Variants in SMAD9 observed in about 807,000 individuals in gnomAD.
SMAD9 encodes MAD homolog 9.
SMAD9 carries 36 observed loss-of-function variants against 46.1 expected under a neutral mutation model. The observed-to-expected ratio is 0.78, with a 90% CI of 0.60 to 1.03. The LOEUF is 1.03. Among genes scored for constraint, SMAD9 ranks in the 50% least tolerant of loss-of-function variants. The pLI is 0.00. For missense variants in SMAD9, 572 were observed against 599.8 expected, an observed-to-expected ratio of 0.95 and a Z score of 0.48; for synonymous variants, 245 against 237.1, an observed-to-expected ratio of 1.03 and a Z score of -0.31.
chr13:36,901,044 A>T (rs1160929040), intron 1 of SMAD9, among the ~76,000 whole-genome samples: 1 of 152,186 alleles, frequency 6.6e-6, no homozygotes, highest in Non-Finnish European at 1.5e-5. Flanking sequence ...GTGATGAATC[A>T]TATATGTGTG....
intron 4 of SMAD9, 75 bp downstream of exon 4, chr13:36,867,198 T>C (rs1388021126): frequency 6.0e-6 from 6 of 1,001,896 alleles, no homozygotes; most frequent in African/African-American, 3.2e-5. Flanking sequence ...TTTTCTTTTT[T>C]GAGTTGCTTT....
chr13:36,850,728 GT>G (rs2058067732), intron 6 of SMAD9, among the ~76,000 whole-genome samples: 1 of 152,160 alleles, frequency 6.6e-6, no homozygotes, highest in Non-Finnish European at 1.5e-5. Flanking sequence ...CACTTAGGGA[GT>G]TAAATACGGT....
chr13:36,878,723 G>C (rs1370666148), intron 2 of SMAD9, among the ~76,000 whole-genome samples: 1 of 151,956 alleles, frequency 6.6e-6, no homozygotes, highest in Admixed American at 6.6e-5. Flanking sequence ...GTACAGTTCA[G>C]TTCAGTTGTT....
chr13:36,899,820 A>C (rs887453602), intron 1 of SMAD9, among the ~76,000 whole-genome samples: 1 of 152,204 alleles, frequency 6.6e-6, no homozygotes, highest in South Asian at 2.1e-4. Context: ...TCATTGAATT[A>C]TTAAAGTAGC....
chr13:36,886,460 G>A (rs900372855), intron 1 of SMAD9, among the ~76,000 whole-genome samples: 6 of 152,234 alleles, frequency 3.9e-5, no homozygotes, highest in African/African-American at 1.4e-4. Context: ...CTCTAAAGGG[G>A]CATGAAGCAC....
intron 5 of SMAD9, among the ~76,000 whole-genome samples, chr13:36,862,796 T>C (rs1038322185): frequency 6.6e-6 from 1 of 152,196 alleles, no homozygotes; most frequent in African/African-American, 2.4e-5. Flanking sequence ...TCTGGTAACA[T>C]CTTCTCAAAT....
At position 36,879,472 on chromosome 13, in the gene SMAD9, C is replaced by T. The variant is rs1453268397; in HGVS notation, c.218G>A (p.Arg73His). 16 of 1,613,790 alleles carry T rather than the reference C, an allele frequency of 9.9e-6. No individual in the cohort carries two copies. The highest frequency in any genetic ancestry group is 1.3e-5 in the African/African-American group (1 of 75,068). ...GQPSKCVTIP[R>H]SLDGRLQVSH... Reference sequence around the variant, plus strand: ...CACCTGCAGCCGCCCGTCCAGGGAGCGGGGAATCGTGACGCATTTGCTGGG... The same window carrying T: ...CACCTGCAGCCGCCCGTCCAGGGAGTGGGGAATCGTGACGCATTTGCTGGG... The change falls in exon 2 of 7, where the codon CGC becomes CAC. Residue 73 changes from arginine to histidine, a missense_variant. Physicochemically the swap from Arg to His is conservative, Grantham distance 29. Coordinates refer to ENST00000379826, the MANE Select transcript of SMAD9 (RefSeq NM_001127217.3).
At chr13:36,903,510 G>A (rs78204892) in intron 1 of SMAD9, among the ~76,000 whole-genome samples, 6,598 of 152,120 alleles carry the variant, frequency 0.043, 342 homozygotes, top group East Asian at 0.18. Context: ...TATTTCAAAT[G>A]TACCAAAACT....
rs1414014415 is a variant in SMAD9, at chr13:36,879,829, C to T, written c.-140G>A. ...GAGCAGCTGGGACCAATTCAAGTTG[C>T]GAAGTGTGTTGACTTTCTCCTAAGC... On this transcript the variant is annotated 5_prime_UTR_variant, in exon 2 of 7. Coordinates refer to ENST00000379826, the MANE Select transcript of SMAD9 (RefSeq NM_001127217.3). 1.9e-5 allele frequency: 17 copies of T among 898,192 alleles called. No individual in the cohort carries two copies. The highest frequency in any genetic ancestry group is 2.4e-5 in the Non-Finnish European group (14 of 579,288). 55.6% of individuals were successfully genotyped at this position (898,192 alleles called of 1,614,324 possible).
rs113076263 is a variant in SMAD9 at position 36,913,948 on chromosome 13, G to A, written c.-187+6168C>T. 9.7e-4 allele frequency among the ~76,000 whole-genome samples: 148 copies of A among 152,150 alleles called. 1 individual carries two copies. The highest frequency in any genetic ancestry group is 3.3e-3 in the African/African-American group (138 of 41,484). On this transcript the variant is annotated intron_variant, in intron 1 of 6. Coordinates refer to ENST00000379826, the MANE Select transcript of SMAD9 (RefSeq NM_001127217.3). ...TCACCCATATCATCAATCACTGGTG[G>A]TCTTGCTTTATGAACAAATGGTGTT...
At chr13:36,874,222 A>C (rs1298207491) in intron 2 of SMAD9, among the ~76,000 whole-genome samples, 2 of 152,244 alleles carry the variant, frequency 1.3e-5, no homozygotes, top group African/African-American at 4.8e-5. Flanking sequence ...CTTCATGTTG[A>C]AAAGAGCCAC....
At chr13:36,897,391 T>G (rs2058537430) in intron 1 of SMAD9, among the ~76,000 whole-genome samples, 1 of 152,256 alleles carries the variant, frequency 6.6e-6, no homozygotes, top group South Asian at 2.1e-4. Flanking sequence ...GGATATTTTC[T>G]GTTACCAGGA....
chr13:36,865,816 C>T (rs2058228558), intron 4 of SMAD9, 58 bp from the exon 5 acceptor site: 1 of 1,396,548 alleles, frequency 7.2e-7, no homozygotes, highest in Admixed American at 1.8e-5. Flanking sequence ...CTGTGTAGTT[C>T]ATGATTCCAC....
intron 2 of SMAD9, among the ~76,000 whole-genome samples, chr13:36,877,148 G>A (rs879596844): frequency 6.6e-6 from 1 of 152,144 alleles, no homozygotes. Context: ...TGGATCATGA[G>A]GTCAAGAGAT....
Position 36,910,386 on chromosome 13 carries a change from G to T in SMAD9, c.-187+9730C>A, listed in dbSNP as rs1360020638. ...AGACGACTCTGCCTGATACTACCAT[G>T]GTGGATACACGTCATGATACACTTG... On this transcript the variant is annotated intron_variant, in intron 1 of 6. Coordinates refer to ENST00000379826, the MANE Select transcript of SMAD9 (RefSeq NM_001127217.3). Among the ~76,000 whole-genome samples, 8 of 151,872 alleles carry T rather than the reference G, an allele frequency of 5.3e-5. No homozygotes were observed. The South Asian group carries it at 1.3e-3, about 24-fold the overall frequency.
rs1174264136 is a variant in SMAD9, at chr13:36,847,906, T to A, written c.*770A>T. On this transcript the variant is annotated 3_prime_UTR_variant, in exon 7 of 7. Coordinates refer to ENST00000379826, the MANE Select transcript of SMAD9 (RefSeq NM_001127217.3). ...TGGTCTCCTCTGTGGAAAGCAGGAG[T>A]CTCCCTGGGTGGCTGGCTCTTGGAC... The A allele has an allele frequency of 6.6e-6, 1 of 152,170 alleles. No individual in the cohort carries two copies. The allele number at this position is 152,170 out of a possible 1,614,324, so 9.4% of individuals were successfully genotyped here.
intron 3 of SMAD9, among the ~76,000 whole-genome samples, chr13:36,872,160 T>C (rs1024045465): frequency 5.3e-5 from 8 of 152,110 alleles, no homozygotes; most frequent in African/African-American, 1.9e-4. Flanking sequence ...TGGCTTCACA[T>C]GGCAGAAAGG....
chr13:36,914,302 G>A (rs1247066476), intron 1 of SMAD9, among the ~76,000 whole-genome samples: 1 of 152,188 alleles, frequency 6.6e-6, no homozygotes, highest in African/African-American at 2.4e-5. Flanking sequence ...GGCGGATCAT[G>A]AGGTCAGGAG....
At chr13:36,907,428 GGA>G (rs2058628247) in intron 1 of SMAD9, among the ~76,000 whole-genome samples, 1 of 152,230 alleles carries the variant, frequency 6.6e-6, no homozygotes, top group Non-Finnish European at 1.5e-5. Flanking sequence ...CAGGGCTTTG[GGA>G]GGCCAGGTGG....
Sources: gnomAD v4.1 joint callset for allele counts (sites outside exome capture counted in the v4.1 genomes callset) on GRCh38, gnomAD v4.1.1 for gene constraint, MANE v1.5 for transcripts, NCBI Gene and HGNC (gene_info 2026-07-23, HGNC 2026-07-21) for gene names.